Variants in JAKMIP3 observed in about 807,000 individuals in gnomAD.
JAKMIP3 encodes the protein Janus kinase and microtubule interacting protein 3, also known as janus kinase and microtubule-interacting protein 3.
JAKMIP3 carries 58 observed loss-of-function variants against 118.5 expected under a neutral mutation model. The observed-to-expected ratio is 0.49, with a 90% CI of 0.40 to 0.61. The LOEUF (loss-of-function observed/expected upper bound fraction) is 0.61. Among genes scored for constraint, JAKMIP3 ranks in the 20% least tolerant of loss-of-function variants. The pLI, the probability that JAKMIP3 is intolerant of heterozygous loss-of-function variation, is 0.00. For missense variants in JAKMIP3, 950 were observed against 1,109.0 expected (o/e 0.86, Z 2.04); for synonymous variants, 486 against 451.2 (o/e 1.08, Z -0.98).
intron 1 of JAKMIP3, among the ~76,000 whole-genome samples, chr10:132,047,720 C>T (rs939090115): frequency 1.4e-5 from 2 of 140,106 alleles, no homozygotes; most frequent in Non-Finnish European, 3.1e-5. Context: ...CGGAGCTGTG[C>T]GCCCCCACCG....
chr10:132,172,969 C>G (rs2136893065), intron 23 of JAKMIP3, among the ~76,000 whole-genome samples: 1 of 129,276 alleles, frequency 7.7e-6, no homozygotes, highest in African/African-American at 2.8e-5. Context: ...CTCCTTCCCT[C>G]TCTCTCCTTC....
intron 1 of JAKMIP3, among the ~76,000 whole-genome samples, chr10:132,053,165 C>G (rs1210353046): frequency 1.3e-5 from 2 of 152,188 alleles, no homozygotes; most frequent in African/African-American, 4.8e-5. Context: ...ACACTTCAAG[C>G]CCCGGTTTCA....
rs1337699254 is a variant in JAKMIP3, at chr10:132,071,818, T to TTCCCTTTCCTTTC, written c.-138+5758_-138+5759insCCCTTTCCTTTCT. The stretch of plus-strand genomic sequence containing the variant: ...TTCCTTCCTTCTTTCCTTTCCTTTC[T>TTCCCTTTCCTTTC]TTTCTTTCCTTTCTTCCCTTTCCTT... On this transcript the variant is annotated intron_variant, in intron 1 of 23. Transcript: ENST00000684848. Among the ~76,000 whole-genome samples the TTCCCTTTCCTTTC allele has an allele frequency of 6.7e-3, 387 of 58,144 alleles. 2 individuals carry two copies. Among genetic ancestry groups the TTCCCTTTCCTTTC allele is most frequent in the African/African-American group, 0.026 (351 of 13,710 alleles). The allele number at this position is 58,144 out of a possible 152,430, so 38.1% of individuals were successfully genotyped here.
intron 23 of JAKMIP3, among the ~76,000 whole-genome samples, chr10:132,173,520 C>G (rs77450666): frequency 0.021 from 3,157 of 152,176 alleles, 116 homozygotes; most frequent in African/African-American, 0.073. Flanking sequence ...ACACTGTTTT[C>G]CAAACAACTC....
intron 1 of JAKMIP3, among the ~76,000 whole-genome samples, chr10:132,069,007 A>G (rs1589740591): frequency 6.6e-6 from 1 of 152,172 alleles, no homozygotes; most frequent in Non-Finnish European, 1.5e-5. Context: ...TACTGGCCTT[A>G]GTGCTCGGCC....
rs1178975142 is a variant in JAKMIP3 at position 132,168,866 on chromosome 10, C to T, written c.*936C>T. The stretch of plus-strand genomic sequence containing the variant: ...CTGGAAGCCCCTGCACGGGCCAGCC[C>T]TGCAGGCCATGGACCCCGGCGGGCA... On this transcript the variant is annotated 3_prime_UTR_variant, in exon 23 of 24. Coordinates refer to ENST00000684848, the MANE Select transcript of JAKMIP3 (RefSeq NM_001323087.2). 6.3e-6 allele frequency: 1 copy of T among 158,020 alleles called. No individual in the cohort carries two copies. Among genetic ancestry groups the T allele is most frequent in the Non-Finnish European group, 1.4e-5 (1 of 70,484 alleles). 9.8% of individuals were successfully genotyped at this position (158,020 alleles called of 1,614,324 possible). A position where few individuals can be genotyped will look rare whatever the true frequency, so the allele number is the denominator to read the frequency against.
At position 132,117,220 on chromosome 10, in the gene JAKMIP3, G is replaced by T. The variant is rs779055507; in HGVS notation, c.279G>T (p.Thr93=). The change falls in exon 3 of 24, where the codon ACG becomes ACT. Residue 93 remains threonine (T), a synonymous_variant. Transcript: ENST00000684848. This position sits in a 1 kb window ranked among gnomAD's most constrained non-coding sequence, Gnocchi z 8.6. The part of the protein sequence containing the change: ...KMKELQAVRE[T]LLRQHEAELL... ...AGGAGCTACAGGCTGTGCGTGAGAC[G>T]CTGCTGCGGCAGCATGAGGCTGAGC... is the stretch of plus-strand genomic sequence containing the variant. The T allele has an allele frequency of 1.2e-6, 2 of 1,613,856 alleles. No individual in the cohort carries two copies.
rs2047934216 is a variant in JAKMIP3, at chr10:132,117,700, A to AC, written c.633+132dup. On this transcript the variant is annotated intron_variant, in intron 3 of 23. Coordinates refer to ENST00000684848, the MANE Select transcript of JAKMIP3 (RefSeq NM_001323087.2). The surrounding 1 kb of genome is among the most constrained non-coding windows in gnomAD (Gnocchi z 8.6). ...GGAGCACGCGGGCAGCACCGGCTTCACCCCCCATGACATTCTTAGCACAGG... is the reference window on the plus strand; with the variant it reads ...GGAGCACGCGGGCAGCACCGGCTTCACCCCCCCATGACATTCTTAGCACAGG... 1 of 1,116,546 alleles carries AC rather than the reference A, an allele frequency of 9.0e-7. No homozygotes were observed. Among genetic ancestry groups the AC allele is most frequent in the Non-Finnish European group, 1.2e-6 (1 of 865,814 alleles). 69.2% of individuals were successfully genotyped at this position (1,116,546 alleles called of 1,614,324 possible). A position where few individuals can be genotyped will look rare whatever the true frequency, so the allele number is the denominator to read the frequency against.
In JAKMIP3 at chr10:132,136,907, G is replaced by A. The variant is rs1043271228; in HGVS notation, c.1117-112G>A. 28 of 1,231,330 alleles carry A rather than the reference G, an allele frequency of 2.3e-5. No homozygotes were observed. In the African/African-American group the frequency reaches 2.7e-4, roughly 12 times the overall value. 76.3% of individuals were successfully genotyped at this position (1,231,330 alleles called of 1,614,324 possible). On this transcript the variant is annotated intron_variant, in intron 6 of 23. Transcript: ENST00000684848. ...GGCCTGAGCAGAGGCCGCCAGCCGG[G>A]CAGCTGAGAGTGGCAGCCCGGGTTG...
chr10:132,104,364 G>T (rs1274326485), intron 1 of JAKMIP3, among the ~76,000 whole-genome samples: 1 of 152,220 alleles, frequency 6.6e-6, no homozygotes, highest in African/African-American at 2.4e-5. Context: ...TGAGTTCGAA[G>T]TTGGGTGCCC....
intron 23 of JAKMIP3, among the ~76,000 whole-genome samples, chr10:132,172,990 T>TCCCC (rs55694461): frequency 9.2e-5 from 3 of 32,680 alleles, no homozygotes; most frequent in African/African-American, 1.6e-4. Flanking sequence ...CCTCTCTCTC[T>TCCCC]CTCTCCTTCC....
intron 14 of JAKMIP3, among the ~76,000 whole-genome samples, chr10:132,149,120 A>G (rs1338521965): frequency 6.6e-6 from 1 of 151,982 alleles, no homozygotes; most frequent in Non-Finnish European, 1.5e-5. Context: ...GGATTCACTG[A>G]GGGATGTGCC....
Position 132,114,720 on chromosome 10 carries a change from T to C in JAKMIP3, c.136-2357T>C, listed in dbSNP as rs573424633. Among the ~76,000 whole-genome samples the C allele has an allele frequency of 9.0e-4, 137 of 152,362 alleles. 5 individuals carry two copies. The South Asian group carries it at 0.027, about 30-fold the overall frequency. On this transcript the variant is annotated intron_variant, in intron 2 of 23. Transcript: ENST00000684848. ...AAACATGTTTATAATATTGAGTCTT[T>C]GGGTTCATGAGTATGATATATTCTT...
At chr10:132,037,859 G>C (rs1186483736) in intron 1 of JAKMIP3, among the ~76,000 whole-genome samples, 1 of 152,180 alleles carries the variant, frequency 6.6e-6, no homozygotes, top group East Asian at 1.9e-4. Flanking sequence ...TGCCCCGGGG[G>C]CCTGGCCCAG....
chr10:132,168,426 T>C lies in JAKMIP3; in HGVS notation c.*496T>C. On this transcript the variant is annotated 3_prime_UTR_variant, in exon 23 of 24. Coordinates refer to ENST00000684848, the MANE Select transcript of JAKMIP3 (RefSeq NM_001323087.2). Reference sequence around the variant, plus strand: ...ATGAAAGCTGGACGGTGACCTTCATTCAGGGGAACCTGGAGGCTCCCTGGG... The same window carrying C: ...ATGAAAGCTGGACGGTGACCTTCATCCAGGGGAACCTGGAGGCTCCCTGGG... 1 of 1,286,494 alleles carries C rather than the reference T, an allele frequency of 7.8e-7. No individual in the cohort carries two copies. Among genetic ancestry groups the C allele is most frequent in the South Asian group, 1.2e-5 (1 of 80,830 alleles). The allele number at this position is 1,286,494 out of a possible 1,614,324, so 79.7% of individuals were successfully genotyped here.
chr10:132,055,780 C>T (rs576613190), intron 1 of JAKMIP3, among the ~76,000 whole-genome samples: 4 of 152,208 alleles, frequency 2.6e-5, no homozygotes, highest in Admixed American at 6.5e-5. Flanking sequence ...TTGCCTCCCC[C>T]GGGGTTTGTG....
At chr10:132,106,577 C>A (rs1201201957) in intron 2 of JAKMIP3, among the ~76,000 whole-genome samples, 1 of 152,134 alleles carries the variant, frequency 6.6e-6, no homozygotes, top group African/African-American at 2.4e-5. Flanking sequence ...TTCTCGGATA[C>A]CAGAAGGCCG....
rs114639420 is a variant in JAKMIP3, at chr10:132,144,986, G to A, written c.1603-121G>A. 1.5e-3 allele frequency: 1,127 copies of A among 736,884 alleles called. 11 individuals carry two copies. The African/African-American group carries it at 0.018, about 12-fold the overall frequency. The allele number at this position is 736,884 out of a possible 1,614,324, so 45.6% of individuals were successfully genotyped here. On this transcript the variant is annotated intron_variant, in intron 11 of 23. Transcript: ENST00000684848. ...AAAGCATCTCTTCCAAAGGAAGGGC[G>A]AACAGTCACTTCTCAATGAACTGAA...
At chr10:132,103,278 A>G (rs1294854995) in intron 1 of JAKMIP3, among the ~76,000 whole-genome samples, 3 of 151,570 alleles carry the variant, frequency 2.0e-5, no homozygotes, top group Non-Finnish European at 4.4e-5. Context: ...TGTTAGGAGC[A>G]CCGGGGGTCC....
Sources: gnomAD v4.1 joint callset for allele counts (sites outside exome capture counted in the v4.1 genomes callset) on GRCh38, gnomAD v4.1.1 for gene constraint, Gnocchi (gnomAD v3.1) non-coding constraint, MANE v1.5 for transcripts, NCBI Gene and HGNC (gene_info 2026-07-23, HGNC 2026-07-21) for gene names.